RETREG3: variants seen among roughly 807,000 people sequenced by gnomAD.
The protein encoded by RETREG3 is reticulophagy regulator family member 3, also known as reticulophagy regulator 3.
A neutral mutation model predicts 50.2 loss-of-function variants in RETREG3; 23 were observed. That is an observed-to-expected ratio of 0.46 (90% CI 0.33 to 0.65). The LOEUF is 0.65. RETREG3 is among the 30% of genes least tolerant of loss of function. The probability of loss-of-function intolerance (pLI) is 0.02; values close to 1 mark genes in which losing one functional copy is unlikely to be tolerated. For missense variants in RETREG3, 546 were observed against 598.0 expected (o/e 0.91, Z 0.91); for synonymous variants, 240 against 234.4 (o/e 1.02, Z -0.22).
rs765173064 is a variant in RETREG3, at chr17:42,587,851, G to A, written c.360C>T (p.Asp120=). Residue 120 remains aspartate, a synonymous_variant, in exon 3 of 9, where the codon GAC becomes GAT. Transcript: ENST00000309428. Reference sequence around the variant, plus strand: ...TTCCATACCTCTCATTGTCTAATGCGTCGGGTCTTGGCACTACAATATTAA... The same window carrying A: ...TTCCATACCTCTCATTGTCTAATGCATCGGGTCTTGGCACTACAATATTAA... ...IWPEIKVPRP[D]ALDNESWGFV... The A allele has an allele frequency of 5.6e-6, 9 of 1,614,010 alleles. 1 individual carries two copies. The highest frequency in any genetic ancestry group is 3.3e-5 in the Admixed American group (2 of 59,994).
intron 1 of RETREG3, chr17:42,596,640 G>A (rs2093145749): frequency 6.6e-6 from 1 of 151,992 alleles, no homozygotes; most frequent in South Asian, 2.1e-4. Context: ...AAAATGACAA[G>A]TATAATGTGA....
intron 1 of RETREG3, among the ~76,000 whole-genome samples, chr17:42,597,723 A>T (rs1374306024): frequency 7.2e-6 from 1 of 138,592 alleles, no homozygotes; most frequent in African/African-American, 2.7e-5. Context: ...CTCCGCCTCC[A>T]GGGTTCAAGT....
At chr17:42,584,948 C>A (rs987921236) in intron 6 of RETREG3, among the ~76,000 whole-genome samples, 177 bp downstream of exon 6, 6 of 151,616 alleles carry the variant, frequency 4.0e-5, no homozygotes, top group Admixed American at 2.0e-4. Flanking sequence ...ATGATAAAAA[C>A]TGGCAAGCCT....
In RETREG3 at chr17:42,581,730, A is replaced by G; in HGVS notation, c.*83T>C. ...AATATAATTCAGGGGAGGGGAGCTG[A>G]GTTCTTCCCTTGCCCCATCACCTTA... On this transcript the variant is annotated 3_prime_UTR_variant, in exon 9 of 9. Transcript: ENST00000309428. 7.9e-7 allele frequency: 1 copy of G among 1,270,572 alleles called. No homozygotes were observed. The allele number at this position is 1,270,572 out of a possible 1,614,324, so 78.7% of individuals were successfully genotyped here.
At chr17:42,608,974 A>C (rs1215411740) in intron 1 of RETREG3, 112 bp downstream of exon 1, 1 of 1,110,142 alleles carries the variant, frequency 9.0e-7, no homozygotes, top group Non-Finnish European at 1.3e-6. Flanking sequence ...AAATTAGGCA[A>C]GTACAGGAAG....
intron 2 of RETREG3, among the ~76,000 whole-genome samples, chr17:42,588,319 C>G (rs759549572): frequency 6.6e-6 from 1 of 152,164 alleles, no homozygotes; most frequent in Non-Finnish European, 1.5e-5. Flanking sequence ...TGCAGTGGCA[C>G]GATCTTGGCT....
intron 1 of RETREG3, among the ~76,000 whole-genome samples, chr17:42,597,562 G>GTA (rs2093148323): frequency 1.8e-5 from 2 of 109,730 alleles, no homozygotes; most frequent in Admixed American, 1.1e-4. Flanking sequence ...ATATTTTTGT[G>GTA]TATATATATA....
chr17:42,587,694 G>A (rs569115455), intron 3 of RETREG3, 140 bp downstream of exon 3: 1 of 950,682 alleles, frequency 1.1e-6, no homozygotes, highest in South Asian at 1.4e-5. Context: ...ACTTTAGGAT[G>A]TGTTAAAATG....
rs1187376513 is a variant in RETREG3 at position 42,580,604 on chromosome 17, T to TC, written c.*1208dup. On this transcript the variant is annotated 3_prime_UTR_variant, in exon 9 of 9. Coordinates refer to ENST00000309428, the MANE Select transcript of RETREG3 (RefSeq NM_178126.4). ...GCCAAGGTAATGTAGAAGAGGCCCA[T>TC]CCCCACATCATATTCACATTTTTTA... 1 of 152,580 alleles carries TC rather than the reference T, an allele frequency of 6.6e-6. No individual in the cohort carries two copies. Among genetic ancestry groups the TC allele is most frequent in the Admixed American group, 6.6e-5 (1 of 15,252 alleles). The allele number at this position is 152,580 out of a possible 1,614,324, so 9.5% of individuals were successfully genotyped here.
chr17:42,608,396 A>G (rs1383823475), intron 1 of RETREG3, among the ~76,000 whole-genome samples: 2 of 152,166 alleles, frequency 1.3e-5, no homozygotes, highest in East Asian at 3.8e-4. Flanking sequence ...TTAGACATCA[A>G]TTTCCTTGCC....
chr17:42,606,229 G>A (rs1002158006), intron 1 of RETREG3, among the ~76,000 whole-genome samples: 1 of 152,048 alleles, frequency 6.6e-6, no homozygotes. Context: ...AGTAAACACT[G>A]GTAGAGGCCA....
chr17:42,584,988 TTTTACCTATCAATC>T (rs1214534120), intron 6 of RETREG3, 123 bp downstream of exon 6: 45 of 1,060,174 alleles, frequency 4.2e-5, no homozygotes, highest in Non-Finnish European at 5.5e-5. Context: ...AGAATATCAT[TTTTACCTATCAATC>T]CTCACCCCCA....
chr17:42,607,251 C>A, intron 1 of RETREG3, among the ~76,000 whole-genome samples: 1 of 151,956 alleles, frequency 6.6e-6, no homozygotes, highest in East Asian at 1.9e-4. Context: ...ATAATCCCAG[C>A]ACTCTGGGAG....
At chr17:42,589,838 A>C (rs529743627) in intron 2 of RETREG3, among the ~76,000 whole-genome samples, 46 of 152,220 alleles carry the variant, frequency 3.0e-4, no homozygotes, top group Non-Finnish European at 5.9e-4. Flanking sequence ...ACACTGCCAC[A>C]GTCTCCTAAC....
At chr17:42,590,076 C>T (rs1005680842) in intron 2 of RETREG3, among the ~76,000 whole-genome samples, 3 of 152,058 alleles carry the variant, frequency 2.0e-5, no homozygotes, top group East Asian at 1.9e-4. Flanking sequence ...TAGTGGTGCA[C>T]GCCTGTCGTC....
chr17:42,596,801 C>A (rs1352344164), intron 1 of RETREG3, among the ~76,000 whole-genome samples: 1 of 151,974 alleles, frequency 6.6e-6, no homozygotes, highest in Admixed American at 6.6e-5. Flanking sequence ...ATATTAATTA[C>A]CTGGTTACCT....
chr17:42,599,918 C>T (rs547985055), intron 1 of RETREG3, among the ~76,000 whole-genome samples: 53 of 151,924 alleles, frequency 3.5e-4, no homozygotes, highest in African/African-American at 1.2e-3. Flanking sequence ...AGCTTGAGTC[C>T]GGGAAACTGA....
chr17:42,592,308 G>T, intron 1 of RETREG3, 146 bp from the exon 2 acceptor site: 1 of 603,066 alleles, frequency 1.7e-6, no homozygotes, highest in Non-Finnish European at 2.9e-6. Context: ...ATACACCTAG[G>T]GTAAATCATT....
Position 42,580,975 on chromosome 17 carries a change from GCTGCAGTGAGCC to G in RETREG3, c.*826_*837del, listed in dbSNP as rs751169392. 1 of 150,522 alleles carries G rather than the reference GCTGCAGTGAGCC, an allele frequency of 6.6e-6. No individual in the cohort carries two copies. Among genetic ancestry groups the G allele is most frequent in the African/African-American group, 2.5e-5 (1 of 40,686 alleles). 9.3% of individuals were successfully genotyped at this position (150,522 alleles called of 1,614,324 possible). A position where few individuals can be genotyped will look rare whatever the true frequency, so the allele number is the denominator to read the frequency against. ...GAATCGCTTGACCCGGCAGGCGGAG[GCTGCAGTGAGCC>G]GAGATTGTGCCACTGCACTCCAGCC... On this transcript the variant is annotated 3_prime_UTR_variant, in exon 9 of 9. Transcript: ENST00000309428.
Sources: allele counts gnomAD v4.1 joint callset (sites outside exome capture counted in the v4.1 genomes callset), GRCh38; gene constraint gnomAD v4.1.1; transcripts MANE v1.5; gene names NCBI Gene and HGNC (gene_info 2026-07-23, HGNC 2026-07-21).